Variants in MCF2L2 observed in about 807,000 individuals in gnomAD.
The protein encoded by MCF2L2 is probable guanine nucleotide exchange factor MCF2L2.
Under a neutral mutation model 150.2 loss-of-function variants are expected in MCF2L2, and 102 were observed. The ratio of observed to expected loss-of-function variants is 0.68; its 90% CI spans 0.58 to 0.80. The LOEUF is 0.80. Among genes scored for constraint, MCF2L2 ranks in the 30% least tolerant of loss-of-function variants. MCF2L2 has a pLI of 0.00. For synonymous variants in MCF2L2, 465 were observed against 491.3 expected, an observed-to-expected ratio of 0.95 and a Z score of 0.71; for missense variants, 1,256 against 1,372.8, an observed-to-expected ratio of 0.91 and a Z score of 1.34.
chr3:183,186,662 G>GA (rs766291379), intron 27 of MCF2L2, among the ~76,000 whole-genome samples: 1 of 152,246 alleles, frequency 6.6e-6, no homozygotes, highest in Non-Finnish European at 1.5e-5. Flanking sequence ...GGGAGGTGGA[G>GA]GTTGCAGTGA....
At chr3:183,189,735 G>A (rs150978965) in intron 27 of MCF2L2, among the ~76,000 whole-genome samples, 5 of 152,300 alleles carry the variant, frequency 3.3e-5, no homozygotes, top group Admixed American at 1.3e-4. Flanking sequence ...CTAAATCTAC[G>A]GCTGCCGCCT....
Position 183,180,165 on chromosome 3 carries a change from GGAGA to G in MCF2L2, c.3017-10_3017-7del. 1 of 1,595,532 alleles carries G rather than the reference GGAGA, an allele frequency of 6.3e-7. No homozygotes were observed. Among genetic ancestry groups the G allele is most frequent in the Non-Finnish European group, 8.6e-7 (1 of 1,163,700 alleles). ...AAACTCCCTGCTGGAGCAGCCTTAG[GGAGA>G]GAAAGGGAAGGATGGGGCCTCTGTG... On this transcript the variant is annotated splice_polypyrimidine_tract_variant and splice_region_variant and intron_variant, in intron 27 of 29. Transcript: ENST00000328913.
chr3:183,414,867 CTGT>C (rs1352019458), intron 1 of MCF2L2, among the ~76,000 whole-genome samples: 2 of 152,112 alleles, frequency 1.3e-5, no homozygotes, highest in South Asian at 2.1e-4. Flanking sequence ...ACATTTCCTT[CTGT>C]TGTTGATTTC....
intron 22 of MCF2L2, among the ~76,000 whole-genome samples, chr3:183,212,965 TG>T (rs1238129253): frequency 3.9e-4 from 4 of 10,232 alleles, no homozygotes; most frequent in East Asian, 0.013. Flanking sequence ...GTGGGGGGGG[TG>T]GGGGGGTGGG....
At chr3:183,333,657 T>C (rs1019383429) in intron 5 of MCF2L2, among the ~76,000 whole-genome samples, 2 of 152,214 alleles carry the variant, frequency 1.3e-5, no homozygotes, top group African/African-American at 2.4e-5. Flanking sequence ...ATATACATCT[T>C]ACATGGACTG....
chr3:183,193,816 G>A (rs1355207553), intron 26 of MCF2L2, among the ~76,000 whole-genome samples: 19 of 152,178 alleles, frequency 1.2e-4, no homozygotes, highest in Admixed American at 1.1e-3. Flanking sequence ...AGGTCCAAGA[G>A]GAATAAGATA....
chr3:183,203,236 GA>G (rs1560339026), intron 25 of MCF2L2, among the ~76,000 whole-genome samples: 1 of 151,776 alleles, frequency 6.6e-6, no homozygotes. Context: ...AAAGAAAAAA[GA>G]AAAAACTGTT....
intron 1 of MCF2L2, among the ~76,000 whole-genome samples, chr3:183,395,388 A>G (rs1018382379): frequency 1.3e-5 from 2 of 152,230 alleles, no homozygotes; most frequent in Non-Finnish European, 2.9e-5. Context: ...TTATGCACAT[A>G]TGTGTGGGTG....
In MCF2L2 at chr3:183,181,712, A is replaced by G. The variant is rs998230398; in HGVS notation, c.3017-1553T>C. Among the ~76,000 whole-genome samples, 5 of 151,946 alleles carry G rather than the reference A, an allele frequency of 3.3e-5. No individual in the cohort carries two copies. Among genetic ancestry groups the G allele is most frequent in the African/African-American group, 1.2e-4 (5 of 41,252 alleles). Reference sequence around the variant, plus strand: ...CTTGACCATCCCCTGCATGAATAGGAAGGGCTGTGTCTCCAGGGTCCATGG... The same window carrying G: ...CTTGACCATCCCCTGCATGAATAGGGAGGGCTGTGTCTCCAGGGTCCATGG... On this transcript the variant is annotated intron_variant, in intron 27 of 29. Coordinates refer to ENST00000328913, the MANE Select transcript of MCF2L2 (RefSeq NM_015078.4). This position sits in a 1 kb window ranked among gnomAD's most constrained non-coding sequence, Gnocchi z 4.3.
At chr3:183,201,587 T>C (rs1722285002) in intron 25 of MCF2L2, among the ~76,000 whole-genome samples, 1 of 152,226 alleles carries the variant, frequency 6.6e-6, no homozygotes, top group Non-Finnish European at 1.5e-5. Flanking sequence ...CAATTTGACT[T>C]TCTCTTTTCC....
chr3:183,307,775 A>C (rs1354573039), intron 10 of MCF2L2, among the ~76,000 whole-genome samples: 2 of 152,210 alleles, frequency 1.3e-5, no homozygotes, highest in Non-Finnish European at 2.9e-5. Flanking sequence ...CTGAGAATAA[A>C]ATTCAAATCC....
chr3:183,386,367 G>A (rs1713831068), intron 2 of MCF2L2, among the ~76,000 whole-genome samples: 1 of 152,204 alleles, frequency 6.6e-6, no homozygotes, highest in Admixed American at 6.5e-5. Context: ...CCCAGCCCTG[G>A]TCAATATCCA....
intron 15 of MCF2L2, chr3:183,272,960 C>A: frequency 6.9e-7 from 1 of 1,445,542 alleles, no homozygotes; most frequent in Non-Finnish European, 9.1e-7. Context: ...TAGAATGGAA[C>A]AAGTTTAAAT....
intron 3 of MCF2L2, among the ~76,000 whole-genome samples, chr3:183,347,310 A>G (rs764271080): frequency 6.6e-6 from 1 of 152,238 alleles, no homozygotes; most frequent in Non-Finnish European, 1.5e-5. Context: ...TGGGGAAAGG[A>G]TTCCCTATTT....
At chr3:183,317,959 A>G in intron 7 of MCF2L2, 109 bp downstream of exon 7, 1 of 1,363,558 alleles carries the variant, frequency 7.3e-7, no homozygotes, top group Non-Finnish European at 1.0e-6. Flanking sequence ...GTCACTAAAG[A>G]AGAAGGAAAA....
At chr3:183,226,979 G>T (rs1723367171) in intron 18 of MCF2L2, 2 of 152,216 alleles carry the variant, frequency 1.3e-5, no homozygotes, top group African/African-American at 2.4e-5. Flanking sequence ...GAGCATGGAA[G>T]ATTCCTTCTC....
At chr3:183,254,317 G>A (rs917585438) in intron 15 of MCF2L2, 3 of 151,852 alleles carry the variant, frequency 2.0e-5, no homozygotes, top group Non-Finnish European at 4.4e-5. Flanking sequence ...GACCGCGCAC[G>A]GCCCAGCGCC....
At chr3:183,345,030 G>C (rs992007420) in intron 3 of MCF2L2, among the ~76,000 whole-genome samples, 3 of 152,062 alleles carry the variant, frequency 2.0e-5, no homozygotes, top group African/African-American at 7.2e-5. Flanking sequence ...AATTAACAAG[G>C]ATATTCAGGA....
chr3:183,229,878 TGAA>T, intron 16 of MCF2L2, 97 bp from the exon 17 acceptor site: 1 of 574,628 alleles, frequency 1.7e-6, no homozygotes, highest in Non-Finnish European at 3.2e-6. Context: ...GTGAAATGAT[TGAA>T]GAATATAGCA....
Sources: allele counts gnomAD v4.1 joint callset (sites outside exome capture counted in the v4.1 genomes callset), GRCh38; gene constraint gnomAD v4.1.1; non-coding constraint Gnocchi (gnomAD v3.1); transcripts MANE v1.5; gene names NCBI Gene and HGNC (gene_info 2026-07-23, HGNC 2026-07-21).